The following MTAP variants were observed in gnomAD, a reference collection of about 807,000 sequenced individuals.
MTAP encodes S-methyl-5'-thioadenosine phosphorylase.
MTAP carries 33 observed loss-of-function variants against 33.6 expected under a neutral mutation model. That is an observed-to-expected ratio of 0.98 (90% CI 0.74 to 1.31). The LOEUF is 1.31. MTAP is among the 40% of genes most tolerant of loss of function. The probability of loss-of-function intolerance (pLI) is 0.00; values close to 1 mark genes in which losing one functional copy is unlikely to be tolerated. For synonymous variants in MTAP, 148 were observed against 125.7 expected (o/e 1.18, Z -1.19); for missense variants, 367 against 360.0 (o/e 1.02, Z -0.16).
chr9:21,897,719 A>G (rs1266267697), intron 1 of MTAP, among the ~76,000 whole-genome samples: 2 of 152,220 alleles, frequency 1.3e-5, no homozygotes, highest in Admixed American at 1.3e-4. Flanking sequence ...CCACTGCTCA[A>G]TGAAATAAAA....
intron 5 of MTAP, among the ~76,000 whole-genome samples, chr9:21,847,319 C>T (rs571412076): frequency 6.6e-6 from 1 of 152,236 alleles, no homozygotes; most frequent in African/African-American, 2.4e-5. Flanking sequence ...AGAACCCTGA[C>T]TAATACAGAT....
chr9:21,874,977 T>G (rs1221270790), intron 1 of MTAP, among the ~76,000 whole-genome samples: 1 of 152,146 alleles, frequency 6.6e-6, no homozygotes, highest in Non-Finnish European at 1.5e-5. Flanking sequence ...GGTTTCCAGC[T>G]TCATCCATGT....
chr9:21,852,020 C>T lies in MTAP; in HGVS notation c.451-2611C>T, dbSNP rs999681021. On this transcript the variant is annotated intron_variant, in intron 5 of 7. Coordinates refer to ENST00000644715, the MANE Select transcript of MTAP (RefSeq NM_002451.4). ...TAAACTCCCCTTTATTAGTTATGTC[C>T]CTCTAGAGAACTCTGACTAATACAA... Among the ~76,000 whole-genome samples the T allele has an allele frequency of 2.6e-5, 4 of 152,018 alleles. 1 individual carries two copies. Among genetic ancestry groups the T allele is most frequent in the Non-Finnish European group, 5.9e-5 (4 of 68,012 alleles).
At chr9:21,916,120 G>GAAGGAAGGAAGGAAGGA (rs1397028813) in intron 1 of MTAP, among the ~76,000 whole-genome samples, 16 of 142,156 alleles carry the variant, frequency 1.1e-4, no homozygotes, top group African/African-American at 4.0e-4. Flanking sequence ...AGGAAGGAAG[G>GAAGGAAGGAAGGAAGGA]AGGGAGGGAA....
At position 21,915,021 on chromosome 9, in the gene MTAP, TTCCTTCCTTCCTTC is replaced by T. The variant is rs1818656691; in HGVS notation, c.148-15986_148-15973del. 6.1e-5 allele frequency among the ~76,000 whole-genome samples: 6 copies of T among 98,992 alleles called. 1 individual carries two copies. The East Asian group carries it at 2.1e-3, about 35-fold the overall frequency. 64.9% of individuals were successfully genotyped at this position (98,992 alleles called of 152,430 possible). ...TTTCTTTCCTTCCTTCCTTCCTTCC[TTCCTTCCTTCCTTC>T]CTTCCTTCCTTCCTTCCTTCCTTTC... On this transcript the variant is annotated intron_variant, in intron 1 of 1. Transcript: ENST00000577563.
chr9:21,808,184 G>C (rs982054055), intron 1 of MTAP, among the ~76,000 whole-genome samples: 80 of 152,228 alleles, frequency 5.3e-4, no homozygotes, highest in African/African-American at 1.8e-3. Flanking sequence ...CACTGACCTA[G>C]AGAGCTTTGG....
chr9:21,832,768 A>G (rs1825006492), intron 4 of MTAP, among the ~76,000 whole-genome samples: 1 of 152,190 alleles, frequency 6.6e-6, no homozygotes, highest in African/African-American at 2.4e-5. Flanking sequence ...ATTAGGTGTC[A>G]CAATCAGTTA....
intron 4 of MTAP, among the ~76,000 whole-genome samples, chr9:21,828,997 C>T (rs1824894620): frequency 6.6e-6 from 1 of 152,086 alleles, no homozygotes; most frequent in Admixed American, 6.6e-5. Flanking sequence ...AGATGCCTTG[C>T]ATATATATCA....
At chr9:21,867,152 A>G (rs914558115), downstream of MTAP, 7 of 152,192 alleles carry the variant, frequency 4.6e-5, no homozygotes, top group Admixed American at 1.3e-4. Flanking sequence ...TCATATATGA[A>G]TAACAACAGT....
At chr9:21,857,434 G>A (rs1466696119) in intron 6 of MTAP, among the ~76,000 whole-genome samples, 1 of 152,116 alleles carries the variant, frequency 6.6e-6, no homozygotes, top group Non-Finnish European at 1.5e-5. Context: ...GGTGTTTGTG[G>A]GTGGGATCTG....
intron 1 of MTAP, among the ~76,000 whole-genome samples, chr9:21,891,403 T>G (rs1365828122): frequency 6.6e-6 from 1 of 151,922 alleles, no homozygotes; most frequent in Non-Finnish European, 1.5e-5. Flanking sequence ...TACAGTAAAA[T>G]GATACAAGAG....
chr9:21,892,684 T>C (rs1448260013), intron 1 of MTAP: 1 of 152,166 alleles, frequency 6.6e-6, no homozygotes, highest in Non-Finnish European at 1.5e-5. Flanking sequence ...AGTGGGACAC[T>C]AAAACACCCC....
At position 21,864,863 on chromosome 9, in the gene MTAP, C is replaced by T; in HGVS notation, c.*2849C>T. 1.0e-6 allele frequency: 1 copy of T among 985,488 alleles called. No individual in the cohort carries two copies. The allele number at this position is 985,488 out of a possible 1,614,324, so 61.0% of individuals were successfully genotyped here. ...CTGGAGCCTCTTCTCTGGCTGCTAC[C>T]TCAGGGCATGGTTGTGGCCCCACCA... is the stretch of plus-strand genomic sequence containing the variant. On this transcript the variant is annotated 3_prime_UTR_variant, in exon 8 of 8. Coordinates refer to ENST00000644715, the MANE Select transcript of MTAP (RefSeq NM_002451.4).
At chr9:21,936,000 T>C (rs1169392453), downstream of MTAP, 1 of 152,216 alleles carries the variant, frequency 6.6e-6, no homozygotes, top group African/African-American at 2.4e-5. Flanking sequence ...AAAGACATGA[T>C]GCAAATAAAG....
intron 1 of MTAP, among the ~76,000 whole-genome samples, chr9:21,873,659 C>T (rs952151885): frequency 1.5e-5 from 2 of 135,562 alleles, no homozygotes; most frequent in African/African-American, 5.5e-5. Flanking sequence ...TTTTAAGTTA[C>T]TCAGTCTAAG....
At chr9:21,917,680 T>C (rs1194475521) in intron 1 of MTAP, among the ~76,000 whole-genome samples, 1 of 152,168 alleles carries the variant, frequency 6.6e-6, no homozygotes, top group Non-Finnish European at 1.5e-5. Context: ...GAAAGTAATA[T>C]GCAGATTCCT....
intron 4 of MTAP, among the ~76,000 whole-genome samples, chr9:21,837,624 G>A (rs1825142897): frequency 6.6e-6 from 1 of 152,180 alleles, no homozygotes; most frequent in Non-Finnish European, 1.5e-5. Context: ...TGAGCCCACA[G>A]TTGAGTTGCA....
chr9:21,813,046 T>G (rs936745194), intron 1 of MTAP, among the ~76,000 whole-genome samples: 5 of 152,214 alleles, frequency 3.3e-5, no homozygotes, highest in African/African-American at 9.6e-5. Context: ...CACAGTTACT[T>G]TATAACTAAG....
intron 5 of MTAP, among the ~76,000 whole-genome samples, chr9:21,851,109 T>G (rs987753042): frequency 6.6e-6 from 1 of 152,266 alleles, no homozygotes; most frequent in Admixed American, 6.5e-5. Context: ...ATTAAGGTCA[T>G]TGGGAAACTA....
Sources: allele counts gnomAD v4.1 joint callset (sites outside exome capture counted in the v4.1 genomes callset), GRCh38; gene constraint gnomAD v4.1.1; transcripts MANE v1.5; gene names NCBI Gene and HGNC (gene_info 2026-07-23, HGNC 2026-07-21).